ZNF829: variants seen among roughly 807,000 people sequenced by gnomAD.
The protein encoded by ZNF829 is zinc finger protein 829.
ZNF829 carries 25 observed loss-of-function variants against 35.2 expected under a neutral mutation model. The ratio of observed to expected loss-of-function variants is 0.71; its 90% CI spans 0.52 to 0.99. The LOEUF (loss-of-function observed/expected upper bound fraction) is 0.99, where lower values mean the gene tolerates loss of function less well. ZNF829 is among the 50% of genes least tolerant of loss of function. The pLI is 0.00. For synonymous variants in ZNF829, 136 were observed against 163.2 expected, an observed-to-expected ratio of 0.83 and a Z score of 1.27; for missense variants, 417 against 515.3, an observed-to-expected ratio of 0.81 and a Z score of 1.85.
intron 5 of ZNF829, 93 bp downstream of exon 5, chr19:36,907,836 A>T: frequency 9.3e-7 from 1 of 1,072,984 alleles, no homozygotes; most frequent in South Asian, 1.5e-5. Flanking sequence ...CTTATATGGA[A>T]GAGGCTTCAG....
Position 36,910,875 on chromosome 19 carries a change from C to T in ZNF829, c.97-2416G>A, listed in dbSNP as rs190634765. On this transcript the variant is annotated intron_variant, in intron 3 of 5. Transcript: ENST00000391711. The stretch of plus-strand genomic sequence containing the variant: ...TACAAAAAATAGCCAGGTGTCGTGG[C>T]GCATGCCTGTAATCCCAGCTACTCA... Among the ~76,000 whole-genome samples the T allele has an allele frequency of 6.6e-3, 1,001 of 152,082 alleles. 13 individuals are homozygous for T. The highest frequency in any genetic ancestry group is 0.023 in the African/African-American group (955 of 41,482).
At chr19:36,910,209 C>T (rs916808776) in intron 3 of ZNF829, among the ~76,000 whole-genome samples, 5 of 152,052 alleles carry the variant, frequency 3.3e-5, no homozygotes, top group African/African-American at 7.2e-5. Flanking sequence ...TTCAGCCTCC[C>T]GAGTAGCTGG....
intron 3 of ZNF829, among the ~76,000 whole-genome samples, chr19:36,912,369 G>GT (rs2073271523): frequency 6.6e-6 from 1 of 152,176 alleles, no homozygotes; most frequent in Non-Finnish European, 1.5e-5. Flanking sequence ...CACAGAGAGG[G>GT]TTGAGAGTAG....
rs2073050380 is a variant in ZNF829 at position 36,891,444 on chromosome 19, A to T, written c.*48T>A. 2.0e-6 allele frequency: 3 copies of T among 1,493,510 alleles called. No individual in the cohort carries two copies. The highest frequency in any genetic ancestry group is 1.8e-4 in the Middle Eastern group (1 of 5,562). 92.5% of individuals were successfully genotyped at this position (1,493,510 alleles called of 1,614,324 possible). A position where few individuals can be genotyped will look rare whatever the true frequency, so the allele number is the denominator to read the frequency against. On this transcript the variant is annotated 3_prime_UTR_variant, in exon 6 of 6. Transcript: ENST00000391711. ...CTAATTTGTTCTCCTTACCTGTTTT[A>T]AAAAAATTATTATAAAGGTTAACAA...
intron 5 of ZNF829, chr19:36,901,679 C>A (rs1249082408): frequency 5.6e-6 from 2 of 355,962 alleles, no homozygotes; most frequent in East Asian, 6.2e-5. Context: ...CAGAAAACTT[C>A]TAGTAGTTTG....
At chr19:36,905,956 T>C (rs935060925) in intron 5 of ZNF829, 1 of 152,158 alleles carries the variant, frequency 6.6e-6, no homozygotes, top group Non-Finnish European at 1.5e-5. Context: ...GGGGAAAAGA[T>C]AGATATAGTC....
intron 5 of ZNF829, chr19:36,906,160 A>T (rs914605467): frequency 2.0e-5 from 3 of 152,250 alleles, no homozygotes; most frequent in Admixed American, 6.5e-5. Context: ...AATATCTTCA[A>T]GACCTTGGGG....
In ZNF829 at chr19:36,916,265, C is replaced by T. The variant is rs545124850; in HGVS notation, c.-339G>A. ...CCGGGGAACCCGGCCCAAGCCTCAC[C>T]CTCACACAGGAAAGCAGATGTGTTC... On this transcript the variant is annotated 5_prime_UTR_variant, in exon 1 of 6. Transcript: ENST00000391711. The surrounding 1 kb of genome is among the most constrained non-coding windows in gnomAD (Gnocchi z 5.3). 62 of 310,460 alleles carry T rather than the reference C, an allele frequency of 2.0e-4. 1 individual carries two copies. In the South Asian group the frequency reaches 3.3e-3, roughly 16 times the overall value. 19.2% of individuals were successfully genotyped at this position (310,460 alleles called of 1,614,324 possible).
At chr19:36,895,996 G>C (rs1212977750) in intron 5 of ZNF829, among the ~76,000 whole-genome samples, 2 of 152,052 alleles carry the variant, frequency 1.3e-5, no homozygotes, top group East Asian at 3.9e-4. Context: ...ACGAAACCCT[G>C]TCTCTACTAA....
intron 3 of ZNF829, among the ~76,000 whole-genome samples, chr19:36,913,201 T>C (rs888760168): frequency 1.3e-5 from 2 of 152,112 alleles, no homozygotes; most frequent in Admixed American, 1.3e-4. Context: ...TAGAAAGGCC[T>C]TACACAAAAT....
At chr19:36,899,870 T>C (rs2073147160) in intron 5 of ZNF829, among the ~76,000 whole-genome samples, 2 of 151,870 alleles carry the variant, frequency 1.3e-5, no homozygotes, top group Admixed American at 1.3e-4. Flanking sequence ...CACCTAGAAT[T>C]TATACAATAA....
Position 36,907,937 on chromosome 19 carries a change from A to G in ZNF829, c.311T>C (p.Leu104Pro), listed in dbSNP as rs368140193. 4.3e-6 allele frequency: 7 copies of G among 1,613,422 alleles called. No homozygotes were observed. In the African/African-American group the frequency reaches 9.3e-5, roughly 22 times the overall value. ...WMVDRELTRG[L>P]CSDLESMCET... The stretch of plus-strand genomic sequence containing the variant: ...CATCATCTCTTACTTACCTGAACAC[A>G]GGCCTCTAGTCAGCTCTCTATCAAC... Residue 104 changes from leucine (L) to proline (P), a missense_variant, in exon 5 of 6, where the codon CTG becomes CCG. Leu to Pro is a moderately conservative substitution (Grantham distance 98). Coordinates refer to ENST00000391711, the MANE Select transcript of ZNF829 (RefSeq NM_001037232.4).
Position 36,892,317 on chromosome 19 carries a change from A to C in ZNF829, c.474T>G (p.Cys158Trp). ...GATTAAAGGTCTTTCCACATATCTTACATTCCCATGGTTTCTCTTCACTCA... is the reference window on the plus strand; with the variant it reads ...GATTAAAGGTCTTTCCACATATCTTCCATTCCCATGGTTTCTCTTCACTCA... The part of the protein sequence containing the change: ...KTMSEEKPWE[C>W]KICGKTFNQN... The change falls in exon 6 of 6, where the codon TGT becomes TGG. Residue 158 changes from cysteine to tryptophan, a missense_variant. Cys to Trp is a radical substitution (Grantham distance 215). Transcript: ENST00000391711. 1.2e-6 allele frequency: 2 copies of C among 1,613,846 alleles called. No homozygotes were observed. Among genetic ancestry groups the C allele is most frequent in the East Asian group, 4.5e-5 (2 of 44,868 alleles).
intron 5 of ZNF829, chr19:36,906,738 C>G (rs1187638826): frequency 6.6e-6 from 1 of 152,048 alleles, no homozygotes; most frequent in Non-Finnish European, 1.5e-5. Context: ...AACCAACTGT[C>G]AACAGAAGGA....
In ZNF829 at chr19:36,891,394, A is replaced by G; in HGVS notation, c.*98T>C. On this transcript the variant is annotated 3_prime_UTR_variant, in exon 6 of 6. Transcript: ENST00000391711. ...TCGTATCGTTTAAAAACGAATACAT[A>G]GGAGAACCTTTGATAATATGTATCC... is the stretch of plus-strand genomic sequence containing the variant. 3 of 1,266,512 alleles carry G rather than the reference A, an allele frequency of 2.4e-6. No homozygotes were observed. Among genetic ancestry groups the G allele is most frequent in the Non-Finnish European group, 3.2e-6 (3 of 943,410 alleles). 78.5% of individuals were successfully genotyped at this position (1,266,512 alleles called of 1,614,324 possible). A position where few individuals can be genotyped will look rare whatever the true frequency, so the allele number is the denominator to read the frequency against.
At chr19:36,895,976 T>C (rs2073108620) in intron 5 of ZNF829, among the ~76,000 whole-genome samples, 1 of 151,580 alleles carries the variant, frequency 6.6e-6, no homozygotes, top group Non-Finnish European at 1.5e-5. Context: ...AGACCAGCCT[T>C]CCCAACATGA....
intron 5 of ZNF829, among the ~76,000 whole-genome samples, chr19:36,904,836 G>T (rs2073202614): frequency 1.3e-5 from 2 of 152,154 alleles, no homozygotes; most frequent in Admixed American, 6.6e-5. Flanking sequence ...AAGGTACAAG[G>T]TTAAGGTAAG....
At position 36,897,489 on chromosome 19, in the gene ZNF829, G is replaced by A. The variant is rs375897598; in HGVS notation, c.320-5018C>T. Among the ~76,000 whole-genome samples, 19 of 152,270 alleles carry A rather than the reference G, an allele frequency of 1.2e-4. No individual in the cohort carries two copies. In the East Asian group the frequency reaches 3.7e-3, roughly 29 times the overall value. ...GCTCAATAGATGCAGAGAAACATCTGATAAACTTCAACGTCTCTTCATTAT... is the reference window on the plus strand; with the variant it reads ...GCTCAATAGATGCAGAGAAACATCTAATAAACTTCAACGTCTCTTCATTAT... On this transcript the variant is annotated intron_variant, in intron 5 of 5. Coordinates refer to ENST00000391711, the MANE Select transcript of ZNF829 (RefSeq NM_001037232.4).
intron 5 of ZNF829, chr19:36,907,709 T>C: frequency 2.3e-6 from 1 of 427,784 alleles, no homozygotes; most frequent in Non-Finnish European, 4.2e-6. Flanking sequence ...TAGCGTATCA[T>C]AGGAAGGAAT....
Sources: allele counts gnomAD v4.1 joint callset (sites outside exome capture counted in the v4.1 genomes callset), GRCh38; gene constraint gnomAD v4.1.1; non-coding constraint Gnocchi (gnomAD v3.1); transcripts MANE v1.5; gene names NCBI Gene and HGNC (gene_info 2026-07-23, HGNC 2026-07-21).